AGBL4: variants seen among roughly 807,000 people sequenced by gnomAD.
The protein encoded by AGBL4 is cytosolic carboxypeptidase 6.
Under a neutral mutation model 66.4 loss-of-function variants are expected in AGBL4, and 58 were observed. The observed-to-expected ratio is 0.87, with a 90% confidence interval of 0.71 to 1.09. The LOEUF (loss-of-function observed/expected upper bound fraction) is 1.09, where lower values mean the gene tolerates loss of function less well. Ranked by LOEUF, AGBL4 falls within the 50% of genes least tolerant of loss-of-function variation. AGBL4 has a pLI of 0.00. For synonymous variants in AGBL4, 234 were observed against 222.9 expected (o/e 1.05, Z -0.44); for missense variants, 579 against 631.0 (o/e 0.92, Z 0.88).
intron 6 of AGBL4, among the ~76,000 whole-genome samples, chr1:48,844,390 C>T (rs761064892): frequency 6.6e-6 from 1 of 152,158 alleles, no homozygotes; most frequent in Non-Finnish European, 1.5e-5. Flanking sequence ...CATGCTTTCC[C>T]ATCTGACTAC....
intron 11 of AGBL4, among the ~76,000 whole-genome samples, chr1:48,547,700 T>C: frequency 6.6e-6 from 1 of 152,172 alleles, no homozygotes; most frequent in Non-Finnish European, 1.5e-5. Context: ...TCTGCTCAGG[T>C]CTCCACCTCT....
intron 4 of AGBL4, among the ~76,000 whole-genome samples, chr1:49,065,463 A>C (rs536577189): frequency 6.6e-6 from 1 of 152,218 alleles, no homozygotes; most frequent in Non-Finnish European, 1.5e-5. Context: ...AATGTTTCCA[A>C]AGTAACTGAG....
chr1:48,992,449 C>A (rs989657188), intron 5 of AGBL4, among the ~76,000 whole-genome samples: 1 of 151,652 alleles, frequency 6.6e-6, no homozygotes, highest in Non-Finnish European at 1.5e-5. Context: ...TATAGCACTG[C>A]GTCTTGCCCA....
At chr1:49,444,385 C>T (rs1341532727) in intron 3 of AGBL4, among the ~76,000 whole-genome samples, 1 of 152,000 alleles carries the variant, frequency 6.6e-6, no homozygotes, top group Non-Finnish European at 1.5e-5. Context: ...TTATTGCAGT[C>T]TATCTCTCTC....
At chr1:49,717,690 G>A (rs980000394) in intron 2 of AGBL4, among the ~76,000 whole-genome samples, 5 of 151,864 alleles carry the variant, frequency 3.3e-5, no homozygotes, top group South Asian at 2.1e-4. Flanking sequence ...AAGAATGTAC[G>A]TTCTTTGAGG....
At chr1:48,674,281 A>C (rs1262397619) in intron 6 of AGBL4, among the ~76,000 whole-genome samples, 1 of 152,220 alleles carries the variant, frequency 6.6e-6, no homozygotes, top group African/African-American at 2.4e-5. Flanking sequence ...TGTCAATAAA[A>C]TACAGCTATC....
chr1:49,987,166 T>C (rs979982170), intron 1 of AGBL4, among the ~76,000 whole-genome samples: 10 of 152,120 alleles, frequency 6.6e-5, no homozygotes, highest in Non-Finnish European at 1.0e-4. Context: ...TTGCAAGGCA[T>C]TGTTTATACT....
chr1:48,554,124 C>A (rs1644288091), intron 11 of AGBL4, among the ~76,000 whole-genome samples: 1 of 152,106 alleles, frequency 6.6e-6, no homozygotes, highest in Non-Finnish European at 1.5e-5. Flanking sequence ...GGGCTCAGAA[C>A]TTAAAAGGTC....
At chr1:49,254,797 G>A (rs912092120) in intron 3 of AGBL4, among the ~76,000 whole-genome samples, 6 of 152,174 alleles carry the variant, frequency 3.9e-5, no homozygotes, top group African/African-American at 1.4e-4. Context: ...AAATAGCATG[G>A]TATTTGTACA....
chr1:49,035,142 T>C (rs1329123843), intron 5 of AGBL4, among the ~76,000 whole-genome samples: 5 of 152,156 alleles, frequency 3.3e-5, no homozygotes, highest in Admixed American at 6.6e-5. Flanking sequence ...GTGTTTTAGT[T>C]ACTAGTAATG....
intron 2 of AGBL4, among the ~76,000 whole-genome samples, chr1:49,837,677 C>G (rs1331902600): frequency 6.6e-6 from 1 of 152,086 alleles, no homozygotes; most frequent in Non-Finnish European, 1.5e-5. Flanking sequence ...AACCCCGTCT[C>G]TACTAAAAAT....
At chr1:48,825,095 T>C (rs908005389) in intron 6 of AGBL4, among the ~76,000 whole-genome samples, 1 of 152,152 alleles carries the variant, frequency 6.6e-6, no homozygotes, top group Non-Finnish European at 1.5e-5. Context: ...AAATGAATAC[T>C]GAGATGGGTG....
intron 4 of AGBL4, among the ~76,000 whole-genome samples, chr1:49,232,215 C>T (rs1650370092): frequency 6.6e-6 from 1 of 152,012 alleles, no homozygotes; most frequent in Non-Finnish European, 1.5e-5. Flanking sequence ...GATAAGTGAA[C>T]TATATAGTAT....
At chr1:48,542,261 T>C (rs953798952) in intron 11 of AGBL4, among the ~76,000 whole-genome samples, 2 of 152,238 alleles carry the variant, frequency 1.3e-5, no homozygotes, top group Non-Finnish European at 2.9e-5. Flanking sequence ...TTTGGGTTGG[T>C]TCCAAGTCTT....
chr1:49,377,277 T>C (rs776469515), intron 3 of AGBL4, among the ~76,000 whole-genome samples: 5 of 152,092 alleles, frequency 3.3e-5, no homozygotes, highest in Non-Finnish European at 7.4e-5. Flanking sequence ...ACTATGTGCC[T>C]TCTATGTTCC....
intron 2 of AGBL4, among the ~76,000 whole-genome samples, chr1:49,810,979 G>T (rs900885785): frequency 6.6e-6 from 1 of 152,096 alleles, no homozygotes; most frequent in Non-Finnish European, 1.5e-5. Flanking sequence ...AAATATATAG[G>T]CAATTAAACC....
intron 4 of AGBL4, among the ~76,000 whole-genome samples, chr1:49,161,786 T>C (rs945822319): frequency 2.6e-5 from 4 of 152,138 alleles, no homozygotes. Context: ...GAAGCACACA[T>C]ACTGCAATGT....
At chr1:49,737,767 G>A (rs1359329096) in intron 2 of AGBL4, among the ~76,000 whole-genome samples, 1 of 152,200 alleles carries the variant, frequency 6.6e-6, no homozygotes, top group African/African-American at 2.4e-5. Flanking sequence ...TATTCAGAGT[G>A]CTGAAAGAAA....
intron 6 of AGBL4, among the ~76,000 whole-genome samples, chr1:48,855,121 G>T (rs1570840517): frequency 6.6e-6 from 1 of 152,156 alleles, no homozygotes. Flanking sequence ...CTCTAGGCCT[G>T]AGGCCTGCCT....
Sources: gnomAD v4.1 joint callset for allele counts (sites outside exome capture counted in the v4.1 genomes callset) on GRCh38, gnomAD v4.1.1 for gene constraint, MANE v1.5 for transcripts, NCBI Gene and HGNC (gene_info 2026-07-23, HGNC 2026-07-21) for gene names.